Variants in ABLIM1 observed in about 807,000 individuals in gnomAD.
The protein encoded by ABLIM1 is actin-binding LIM protein 1.
A neutral mutation model predicts 107.0 loss-of-function variants in ABLIM1; 40 were observed. The observed-to-expected ratio is 0.37, with a 90% CI of 0.29 to 0.49. The LOEUF (loss-of-function observed/expected upper bound fraction) is 0.49. Among genes scored for constraint, ABLIM1 ranks in the 20% least tolerant of loss-of-function variants. ABLIM1 has a pLI of 0.97. For missense variants in ABLIM1, 857 were observed against 1,008.5 expected (o/e 0.85, Z 2.04); for synonymous variants, 357 against 357.3 (o/e 1.00, Z 0.01).
chr10:114,560,599 G>A (rs999067184), intron 4 of ABLIM1, among the ~76,000 whole-genome samples: 1 of 152,258 alleles, frequency 6.6e-6, no homozygotes, highest in African/African-American at 2.4e-5. Context: ...ATATAGCCTC[G>A]GTGTGTAGTA....
At chr10:114,600,701 G>A (rs193008304) in intron 2 of ABLIM1, among the ~76,000 whole-genome samples, 59 of 152,168 alleles carry the variant, frequency 3.9e-4, no homozygotes, top group African/African-American at 9.4e-4. Context: ...TCCTTACCCC[G>A]TGCAGGGCAC....
intron 6 of ABLIM1, among the ~76,000 whole-genome samples, chr10:114,537,831 T>C (rs1200274334): frequency 6.6e-6 from 1 of 152,094 alleles, no homozygotes; most frequent in African/African-American, 2.4e-5. Flanking sequence ...CTGAGCACAG[T>C]GAGAATGAGA....
intron 1 of ABLIM1, chr10:114,631,980 A>C (rs11196817): frequency 0.084 from 109,689 of 1,301,412 alleles, 6,390 homozygotes; most frequent in East Asian, 0.42. Flanking sequence ...CTGGGAGTGG[A>C]AGCGCGCCTC....
intron 1 of ABLIM1, among the ~76,000 whole-genome samples, chr10:114,731,422 A>T (rs1184736348): frequency 6.7e-6 from 1 of 150,198 alleles, no homozygotes; most frequent in Non-Finnish European, 1.5e-5. Context: ...GACTATGGGC[A>T]TGAGCCACCA....
chr10:114,613,583 A>G, intron 1 of ABLIM1: 2 of 946,966 alleles, frequency 2.1e-6, no homozygotes, highest in Non-Finnish European at 3.0e-6. Context: ...AATTTCAGAA[A>G]CAAGAATGTG....
At chr10:114,782,693 G>A in the ABLIM1 span, among the ~76,000 whole-genome samples, 6 of 152,262 alleles carry the variant, frequency 3.9e-5, no homozygotes, top group South Asian at 1.2e-3. Context: ...GCTACATGGA[G>A]AATGGATTCG....
chr10:114,633,943 T>C (rs1385464432), intron 1 of ABLIM1, among the ~76,000 whole-genome samples: 1 of 151,822 alleles, frequency 6.6e-6, no homozygotes, highest in Non-Finnish European at 1.5e-5. Context: ...TCCAAAGCTC[T>C]CATGTTATTC....
chr10:114,504,232 T>G (rs1443129100), intron 6 of ABLIM1, among the ~76,000 whole-genome samples: 1 of 152,230 alleles, frequency 6.6e-6, no homozygotes, highest in Non-Finnish European at 1.5e-5. Context: ...GTTCTGTAGT[T>G]GAATGTTTAG....
At chr10:114,595,667 A>G (rs2075346251) in intron 2 of ABLIM1, among the ~76,000 whole-genome samples, 1 of 152,190 alleles carries the variant, frequency 6.6e-6, no homozygotes, top group African/African-American at 2.4e-5. Flanking sequence ...AGCTTTTGGG[A>G]TCTGCTTTTC....
chr10:114,490,974 A>ATATGTGTG (rs2058848134), intron 7 of ABLIM1, among the ~76,000 whole-genome samples: 1 of 99,276 alleles, frequency 1.0e-5, no homozygotes, highest in Non-Finnish European at 1.9e-5. Context: ...CGGCATATAT[A>ATATGTGTG]TGTGTGTGTG....
intron 1 of ABLIM1, among the ~76,000 whole-genome samples, chr10:114,730,425 C>A (rs1458539438): frequency 6.7e-6 from 1 of 148,332 alleles, no homozygotes; most frequent in Non-Finnish European, 1.5e-5. Context: ...AAAAAGAATT[C>A]CACGTAGAGA....
At chr10:114,508,417 G>A (rs2061431717) in intron 6 of ABLIM1, among the ~76,000 whole-genome samples, 1 of 152,178 alleles carries the variant, frequency 6.6e-6, no homozygotes, top group African/African-American at 2.4e-5. Flanking sequence ...AAAAAATATT[G>A]GCCAGATGCA....
intron 1 of ABLIM1, among the ~76,000 whole-genome samples, chr10:114,701,991 A>G (rs2141849784): frequency 6.6e-6 from 1 of 152,360 alleles, no homozygotes; most frequent in Admixed American, 6.5e-5. Context: ...CTTGAGGTTC[A>G]TTATACTATT....
At chr10:114,729,644 G>A (rs1381612136) in intron 1 of ABLIM1, among the ~76,000 whole-genome samples, 4 of 152,054 alleles carry the variant, frequency 2.6e-5, no homozygotes, top group East Asian at 1.9e-4. Context: ...TGAAACCCAC[G>A]ACTGAGAAAA....
intron 1 of ABLIM1, among the ~76,000 whole-genome samples, chr10:114,715,422 C>T (rs2081640321): frequency 6.6e-6 from 1 of 152,188 alleles, no homozygotes; most frequent in Non-Finnish European, 1.5e-5. Context: ...TGGGAATCTC[C>T]TGCTCTTTCC....
chr10:114,483,511 T>C (rs965992515), intron 8 of ABLIM1, among the ~76,000 whole-genome samples: 6 of 152,174 alleles, frequency 3.9e-5, no homozygotes, highest in African/African-American at 1.4e-4. Context: ...TCCTGGGCTC[T>C]AGTGATCTGC....
intron 6 of ABLIM1, among the ~76,000 whole-genome samples, chr10:114,520,855 G>A (rs2063628311): frequency 1.3e-5 from 2 of 152,016 alleles, no homozygotes; most frequent in Non-Finnish European, 2.9e-5. Context: ...GCATGCACCT[G>A]TAGTCCCGGG....
intron 12 of ABLIM1, among the ~76,000 whole-genome samples, chr10:114,464,221 T>C (rs1396301468): frequency 6.6e-6 from 1 of 150,594 alleles, no homozygotes; most frequent in Non-Finnish European, 1.5e-5. Flanking sequence ...AGTCTTGCTC[T>C]GTCATCCAGG....
chr10:114,492,883 A>C (rs2059190694), intron 6 of ABLIM1, among the ~76,000 whole-genome samples: 1 of 152,202 alleles, frequency 6.6e-6, no homozygotes, highest in African/African-American at 2.4e-5. Flanking sequence ...TAAAAACTAC[A>C]AGATCCACTT....
Sources: gnomAD v4.1 joint callset for allele counts (sites outside exome capture counted in the v4.1 genomes callset) on GRCh38, gnomAD v4.1.1 for gene constraint, MANE v1.5 for transcripts, NCBI Gene and HGNC (gene_info 2026-07-23, HGNC 2026-07-21) for gene names.